Variants in SCUBE1 observed in about 807,000 individuals in gnomAD.
The protein encoded by SCUBE1 is signal peptide, CUB domain and EGF like domain containing 1.
In SCUBE1, 59 loss-of-function variants were observed where a neutral mutation model predicts 124.4. That is an observed-to-expected ratio of 0.47 (90% CI 0.38 to 0.59). The LOEUF is 0.59. SCUBE1 is among the 20% of genes least tolerant of loss of function. The pLI is 0.00. For missense variants in SCUBE1, 1,150 were observed against 1,371.2 expected (o/e 0.84, Z 2.55); for synonymous variants, 545 against 550.9 (o/e 0.99, Z 0.15).
rs986107377 is a variant in SCUBE1, at chr22:43,219,803, T to TG, written c.1687+646dup. 1.4e-4 allele frequency among the ~76,000 whole-genome samples: 22 copies of TG among 152,118 alleles called. 1 individual carries two copies. The highest frequency in any genetic ancestry group is 1.4e-3 in the Admixed American group (22 of 15,288). On this transcript the variant is annotated intron_variant, in intron 14 of 21. Coordinates refer to ENST00000360835, the MANE Select transcript of SCUBE1 (RefSeq NM_173050.5). ...CTAAGACATTTCCTAAGCCCTCCCG[T>TG]GGGGGGCAGACCTCAGTTCTATGCA...
At chr22:43,324,256 A>G (rs1284345009) in intron 2 of SCUBE1, among the ~76,000 whole-genome samples, 1 of 152,254 alleles carries the variant, frequency 6.6e-6, no homozygotes, top group Non-Finnish European at 1.5e-5. Context: ...ATATCGTTGA[A>G]TAGTCAATAA....
chr22:43,329,671 G>T (rs1320554923), intron 2 of SCUBE1, among the ~76,000 whole-genome samples: 1 of 152,198 alleles, frequency 6.6e-6, no homozygotes, highest in Non-Finnish European at 1.5e-5. Context: ...GCTGGCTGGG[G>T]TTTTACACTC....
intron 4 of SCUBE1, among the ~76,000 whole-genome samples, chr22:43,265,250 CTAAAGACTT>C (rs1257496098): frequency 6.6e-6 from 1 of 152,182 alleles, no homozygotes; most frequent in Non-Finnish European, 1.5e-5. Flanking sequence ...TCTTGAGACT[CTAAAGACTT>C]TAACACTGAG....
In SCUBE1 at chr22:43,201,178, C is replaced by CCTGTAGT. The variant is rs1247544826; in HGVS notation, c.*2812_*2818dup. The CCTGTAGT allele has an allele frequency of 6.6e-6, 1 of 151,412 alleles. No homozygotes were observed. The highest frequency in any genetic ancestry group is 2.4e-5 in the African/African-American group (1 of 41,152). The allele number at this position is 151,412 out of a possible 1,614,324, so 9.4% of individuals were successfully genotyped here. ...AATTAGCCGGGCAAGGTGGTGGGTG[C>CCTGTAGT]CTGTAGTCCCAGCTACTCGGGAGGC... On this transcript the variant is annotated 3_prime_UTR_variant, in exon 22 of 22. Transcript: ENST00000360835.
At chr22:43,260,807 G>A (rs1217776576) in intron 5 of SCUBE1, among the ~76,000 whole-genome samples, 1 of 152,228 alleles carries the variant, frequency 6.6e-6, no homozygotes, top group Non-Finnish European at 1.5e-5. Context: ...CCTGGCGGGG[G>A]CAGCTGGGGT....
chr22:43,324,608 TA>T (rs913528652), intron 2 of SCUBE1, among the ~76,000 whole-genome samples: 32 of 152,176 alleles, frequency 2.1e-4, no homozygotes, highest in African/African-American at 7.5e-4. Flanking sequence ...ACAAACCAGC[TA>T]AAAAAATTTG....
chr22:43,322,780 C>T (rs1445185875), intron 2 of SCUBE1, among the ~76,000 whole-genome samples: 5 of 152,150 alleles, frequency 3.3e-5, no homozygotes, highest in African/African-American at 1.2e-4. Flanking sequence ...TGGTAGGTGA[C>T]TTAGGTTGGA....
chr22:43,249,042 G>A (rs1923332763), intron 6 of SCUBE1, among the ~76,000 whole-genome samples: 1 of 152,174 alleles, frequency 6.6e-6, no homozygotes, highest in Non-Finnish European at 1.5e-5. Flanking sequence ...AAGGGTGAGT[G>A]GTGGGACAGG....
intron 4 of SCUBE1, among the ~76,000 whole-genome samples, chr22:43,280,461 C>G (rs1924738545): frequency 9.2e-6 from 1 of 108,800 alleles, no homozygotes; most frequent in African/African-American, 5.4e-5. Flanking sequence ...CTTCCCCTCA[C>G]CCATCCTCCC....
intron 1 of SCUBE1, among the ~76,000 whole-genome samples, chr22:43,341,316 G>C (rs1473574780): frequency 6.6e-6 from 1 of 152,212 alleles, no homozygotes; most frequent in Non-Finnish European, 1.5e-5. Flanking sequence ...GCAACAGAGG[G>C]ACACTGTGCA....
At chr22:43,228,517 G>T (rs1207217948) in intron 9 of SCUBE1, among the ~76,000 whole-genome samples, 2 of 152,168 alleles carry the variant, frequency 1.3e-5, no homozygotes, top group African/African-American at 2.4e-5. Flanking sequence ...TCCCCTGCGG[G>T]CTCACGCAGC....
rs115781643 is a variant in SCUBE1 at position 43,286,908 on chromosome 22, G to A, written c.484+4138C>T. ...TCAGAATTCTACATTGAGAGAAAAG[G>A]AGACAGTTCCTCCAGGAGGCCACAT... On this transcript the variant is annotated intron_variant, in intron 4 of 21. Transcript: ENST00000360835. 4.0e-3 allele frequency among the ~76,000 whole-genome samples: 615 copies of A among 152,310 alleles called. 3 individuals carry two copies. The highest frequency in any genetic ancestry group is 0.014 in the African/African-American group (582 of 41,558).
intron 3 of SCUBE1, among the ~76,000 whole-genome samples, chr22:43,305,517 G>A (rs1925936367): frequency 6.6e-6 from 1 of 152,168 alleles, no homozygotes; most frequent in Non-Finnish European, 1.5e-5. Flanking sequence ...TCTCCAGGTA[G>A]GGGAATGGTG....
At chr22:43,229,230 G>GGGAGTGGT (rs1431679639) in intron 8 of SCUBE1, 42 bp from the exon 9 acceptor site, 2 of 1,199,692 alleles carry the variant, frequency 1.7e-6, no homozygotes, top group African/African-American at 2.9e-5. Context: ...AGGAGTTTGA[G>GGGAGTGGT]GGAGTGGTGG....
chr22:43,262,666 A>C, intron 5 of SCUBE1, 54 bp downstream of exon 5: 1 of 1,601,382 alleles, frequency 6.2e-7, no homozygotes, highest in African/African-American at 1.3e-5. Context: ...CCCTCCAGAA[A>C]GTAATGGCAG....
At chr22:43,254,078 C>T (rs1229230392) in intron 6 of SCUBE1, among the ~76,000 whole-genome samples, 1 of 152,256 alleles carries the variant, frequency 6.6e-6, no homozygotes. Context: ...AATCTGCCAT[C>T]TCCAGCTCTT....
chr22:43,216,383 A>G (rs1244110235), intron 15 of SCUBE1, among the ~76,000 whole-genome samples: 1 of 147,866 alleles, frequency 6.8e-6, no homozygotes, highest in East Asian at 2.2e-4. Context: ...GGCTGGGCGC[A>G]GTGGCTCACA....
rs932346502 is a variant in SCUBE1 at position 43,220,656 on chromosome 22, C to T, written c.1550-69G>A. On this transcript the variant is annotated intron_variant, in intron 13 of 21. Transcript: ENST00000360835. ...GGGAGCAAGGTCCTACCAAGCCCTGCATACAGAGTGCCATTGGCAAGGACT... is the reference window on the plus strand; with the variant it reads ...GGGAGCAAGGTCCTACCAAGCCCTGTATACAGAGTGCCATTGGCAAGGACT... 18 of 1,560,526 alleles carry T rather than the reference C, an allele frequency of 1.2e-5. No individual in the cohort carries two copies. The African/African-American group carries it at 1.9e-4, about 16-fold the overall frequency.
At chr22:43,261,968 TG>T (rs1923888319) in intron 5 of SCUBE1, among the ~76,000 whole-genome samples, 1 of 152,108 alleles carries the variant, frequency 6.6e-6, no homozygotes, top group South Asian at 2.1e-4. Flanking sequence ...TCGTTCTACT[TG>T]GTTTCCTGGC....
Sources: allele counts gnomAD v4.1 joint callset (sites outside exome capture counted in the v4.1 genomes callset), GRCh38; gene constraint gnomAD v4.1.1; transcripts MANE v1.5; gene names NCBI Gene and HGNC (gene_info 2026-07-23, HGNC 2026-07-21).